Variants in CEP68 observed in about 807,000 individuals in gnomAD.
CEP68 encodes centrosomal protein of 68 kDa.
In CEP68, 26 loss-of-function variants were observed where a neutral mutation model predicts 55.3. That is an observed-to-expected ratio of 0.47 (90% CI 0.34 to 0.65). CEP68 has a LOEUF of 0.65. Ranked by LOEUF, CEP68 falls within the 30% of genes least tolerant of loss-of-function variation. The pLI is 0.01. For synonymous variants in CEP68, 402 were observed against 383.2 expected (o/e 1.05, Z -0.57); for missense variants, 957 against 946.7 (o/e 1.01, Z -0.14).
At chr2:65,068,882 G>A (rs1385010552) in intron 1 of CEP68, among the ~76,000 whole-genome samples, 2 of 152,310 alleles carry the variant, frequency 1.3e-5, no homozygotes, top group African/African-American at 2.4e-5. Flanking sequence ...CTGCCAGGCA[G>A]AGCCAAGCAT....
At position 65,074,771 on chromosome 2, in the gene CEP68, C is replaced by A. The variant is rs549469276; in HGVS notation, c.2007+367C>A. ...CCTGAGCAACATAGCAAGACCCCCC[C>A]CCCTCAAAAAAAAGTTTTTTCTTAA... On this transcript the variant is annotated intron_variant, in intron 4 of 6. Transcript: ENST00000377990. The A allele has an allele frequency of 4.5e-5, 11 of 243,106 alleles. 1 individual carries two copies. The highest frequency in any genetic ancestry group is 1.4e-4 in the South Asian group (3 of 21,792). The allele number at this position is 243,106 out of a possible 1,614,324, so 15.1% of individuals were successfully genotyped here.
At chr2:65,077,248 T>C (rs190605788) in intron 4 of CEP68, among the ~76,000 whole-genome samples, 34 of 152,306 alleles carry the variant, frequency 2.2e-4, no homozygotes, top group Admixed American at 2.1e-3. Context: ...TCCGCCCACC[T>C]TGGCCTCCCA....
At chr2:65,063,406 G>A (rs561213302) in intron 1 of CEP68, among the ~76,000 whole-genome samples, 23 of 152,286 alleles carry the variant, frequency 1.5e-4, no homozygotes, top group African/African-American at 5.3e-4. Flanking sequence ...GGGAGGCGAC[G>A]GGGGCCTGTG....
At chr2:65,061,222 T>G (rs150088086) in intron 1 of CEP68, among the ~76,000 whole-genome samples, 522 of 152,134 alleles carry the variant, frequency 3.4e-3, no homozygotes, top group African/African-American at 0.012. Context: ...GCCTTGTAAA[T>G]GAGAACATTG....
At chr2:65,077,246 C>CCTTGGCCTCCCAGAGTG (rs1250100276) in intron 4 of CEP68, among the ~76,000 whole-genome samples, 10 of 152,302 alleles carry the variant, frequency 6.6e-5, no homozygotes, top group Non-Finnish European at 1.2e-4. Flanking sequence ...GATCCGCCCA[C>CCTTGGCCTCCCAGAGTG]CTTGGCCTCC....
In CEP68 at chr2:65,069,821, T is replaced by G; in HGVS notation, c.357+20T>G. On this transcript the variant is annotated intron_variant, in intron 2 of 6. Transcript: ENST00000377990. The stretch of plus-strand genomic sequence containing the variant: ...AGCCAGGTAGGTACTAAGGCAAGAC[T>G]GTAGATGGACCCATTGCTGTCCTTT... The G allele has an allele frequency of 6.3e-7, 1 of 1,590,876 alleles. No homozygotes were observed. The highest frequency in any genetic ancestry group is 8.6e-7 in the Non-Finnish European group (1 of 1,159,746).
intron 5 of CEP68, chr2:65,080,656 A>G (rs1676968708): frequency 1.8e-6 from 1 of 543,878 alleles, no homozygotes; most frequent in African/African-American, 2.1e-5. Context: ...CATCTCTACT[A>G]AAAGTAAAAA....
At chr2:65,065,121 C>A (rs1175982106) in intron 1 of CEP68, among the ~76,000 whole-genome samples, 1 of 152,206 alleles carries the variant, frequency 6.6e-6, no homozygotes, top group Non-Finnish European at 1.5e-5. Flanking sequence ...GGATTAAAGA[C>A]CCTGGCTCCC....
Position 65,071,863 on chromosome 2 carries a change from G to C in CEP68, c.767G>C (p.Gly256Ala), listed in dbSNP as rs1411518849. The C allele has an allele frequency of 1.2e-6, 2 of 1,608,208 alleles. No homozygotes were observed. The highest frequency in any genetic ancestry group is 3.4e-5 in the Admixed American group (2 of 59,608). Residue 256 changes from glycine (G) to alanine (A), a missense_variant, in exon 3 of 7, where the codon GGG becomes GCG. Gly to Ala is a moderately conservative substitution (Grantham distance 60). Transcript: ENST00000377990. ...TGGTCACCACAGCCTGTGTTCTCTG[G>C]GGGTGATGCTTCTGGGCTAGGCAGG... is the stretch of plus-strand genomic sequence containing the variant. ...PQWSPQPVFS[G>A]GDASGLGRRR... is the part of the protein sequence containing the mutation.
rs370158769 is a variant in CEP68 at position 65,061,677 on chromosome 2, G to A, written c.-47+5149G>A. On this transcript the variant is annotated intron_variant, in intron 1 of 6. Coordinates refer to ENST00000377990, the MANE Select transcript of CEP68 (RefSeq NM_015147.3). Reference sequence around the variant, plus strand: ...AGGGGGACTTCCCAGCAGGGCAGGAGCAGGTGGAGCAGCAGTTGCTCTTTG... The same window carrying A: ...AGGGGGACTTCCCAGCAGGGCAGGAACAGGTGGAGCAGCAGTTGCTCTTTG... Among the ~76,000 whole-genome samples the A allele has an allele frequency of 3.1e-4, 47 of 152,380 alleles. No homozygotes were observed. The South Asian group carries it at 5.8e-3, about 19-fold the overall frequency.
rs1042852543 is a variant in CEP68 at position 65,085,798 on chromosome 2, G to A, written c.*2164G>A. On this transcript the variant is annotated 3_prime_UTR_variant, in exon 7 of 7. Coordinates refer to ENST00000377990, the MANE Select transcript of CEP68 (RefSeq NM_015147.3). Reference sequence around the variant, plus strand: ...TGCACTCCAGCCTGGGCAACAGAGTGAGACTCTTGTCTCAAAAAAAAAAAA... The same window carrying A: ...TGCACTCCAGCCTGGGCAACAGAGTAAGACTCTTGTCTCAAAAAAAAAAAA... 6.6e-6 allele frequency: 1 copy of A among 151,952 alleles called. No individual in the cohort carries two copies. The highest frequency in any genetic ancestry group is 1.5e-5 in the Non-Finnish European group (1 of 68,032). The allele number at this position is 151,952 out of a possible 1,614,324, so 9.4% of individuals were successfully genotyped here.
chr2:65,067,600 C>T (rs1463752759), intron 1 of CEP68, among the ~76,000 whole-genome samples: 1 of 152,044 alleles, frequency 6.6e-6, no homozygotes, highest in African/African-American at 2.4e-5. Context: ...CTGTCCATGC[C>T]TCCCCATGAC....
chr2:65,059,047 G>A (rs1675788767), intron 1 of CEP68, among the ~76,000 whole-genome samples: 1 of 152,146 alleles, frequency 6.6e-6, no homozygotes. Context: ...GCCTCATGTG[G>A]CTGACAAAAA....
At position 65,071,907 on chromosome 2, in the gene CEP68, G is replaced by T; in HGVS notation, c.811G>T (p.Ala271Ser). Residue 271 changes from alanine (A) to serine (S), a missense_variant, in exon 3 of 7, where the codon GCT becomes TCT. Ala to Ser is a moderately conservative substitution (Grantham distance 99, BLOSUM62 1). Transcript: ENST00000377990. ...AGGCAGGAGACGCCTCTCCTTCCAG[G>T]CTGAGTACTGGGCCTGTGTGCTGCC... Reference protein sequence around the residue: ...GLGRRRLSFQAEYWACVLPDS... With the variant: ...GLGRRRLSFQSEYWACVLPDS... The T allele has an allele frequency of 6.2e-7, 1 of 1,613,070 alleles. No homozygotes were observed. Among genetic ancestry groups the T allele is most frequent in the Non-Finnish European group, 8.5e-7 (1 of 1,179,840 alleles).
At chr2:65,056,895 C>T (rs1001835848) in intron 1 of CEP68, among the ~76,000 whole-genome samples, 2 of 152,150 alleles carry the variant, frequency 1.3e-5, no homozygotes, top group Non-Finnish European at 2.9e-5. Flanking sequence ...GCCTGGGCCC[C>T]GGGGGAGGTC....
chr2:65,064,530 C>G lies in CEP68; in HGVS notation c.-46-4869C>G, dbSNP rs577401202. Among the ~76,000 whole-genome samples, 29 of 152,112 alleles carry G rather than the reference C, an allele frequency of 1.9e-4. No individual in the cohort carries two copies. The South Asian group carries it at 5.8e-3, about 30-fold the overall frequency. On this transcript the variant is annotated intron_variant, in intron 1 of 6. Coordinates refer to ENST00000377990, the MANE Select transcript of CEP68 (RefSeq NM_015147.3). ...CAGGCAGATCACGATGTCAGGAGAT[C>G]GAGACCATCCTGGCTAATGTGGTGA...
At chr2:65,083,422 G>A (rs944456257) in intron 6 of CEP68, among the ~76,000 whole-genome samples, 2 of 152,250 alleles carry the variant, frequency 1.3e-5, no homozygotes, top group African/African-American at 4.8e-5. Flanking sequence ...CAATTGGACT[G>A]TCGTACGTCG....
intron 3 of CEP68, chr2:65,073,302 CAG>C (rs776275102): frequency 1.3e-5 from 5 of 395,348 alleles, no homozygotes; most frequent in Non-Finnish European, 2.4e-5. Flanking sequence ...CTTCCTAACT[CAG>C]AGGTATTCTG....
chr2:65,068,890 C>A (rs1676324565), intron 1 of CEP68, among the ~76,000 whole-genome samples: 1 of 152,130 alleles, frequency 6.6e-6, no homozygotes, highest in Non-Finnish European at 1.5e-5. Flanking sequence ...CAGAGCCAAG[C>A]ATCTTGGAGG....
Sources: gnomAD v4.1 joint callset for allele counts (sites outside exome capture counted in the v4.1 genomes callset) on GRCh38, gnomAD v4.1.1 for gene constraint, MANE v1.5 for transcripts, NCBI Gene and HGNC (gene_info 2026-07-23, HGNC 2026-07-21) for gene names.